WRN: variants seen among roughly 807,000 people sequenced by gnomAD.
WRN encodes WRN RecQ like helicase, also known as bifunctional 3'-5' exonuclease/ATP-dependent helicase WRN.
A neutral mutation model predicts 180.7 loss-of-function variants in WRN; 149 were observed. The ratio of observed to expected loss-of-function variants is 0.82; its 90% CI spans 0.72 to 0.94. WRN has a LOEUF of 0.94. Among genes scored for constraint, WRN ranks in the 40% least tolerant of loss-of-function variants. The pLI is 0.00. For synonymous variants in WRN, 548 were observed against 568.9 expected (o/e 0.96, Z 0.52); for missense variants, 1,661 against 1,700.1 (o/e 0.98, Z 0.40).
chr8:31,134,180 G>A (rs1317303240), intron 24 of WRN, among the ~76,000 whole-genome samples: 1 of 152,008 alleles, frequency 6.6e-6, no homozygotes, highest in African/African-American at 2.4e-5. Flanking sequence ...TTGGTATCCT[G>A]GGATATTGTT....
intron 24 of WRN, among the ~76,000 whole-genome samples, chr8:31,138,007 G>A (rs115326949): frequency 8.6e-4 from 131 of 152,140 alleles, no homozygotes; most frequent in African/African-American, 2.9e-3. Flanking sequence ...GGACGCTGAG[G>A]TGGGAGGATC....
At chr8:31,044,661 A>G (rs1383257129) in intron 1 of WRN, among the ~76,000 whole-genome samples, 2 of 151,766 alleles carry the variant, frequency 1.3e-5, no homozygotes, top group East Asian at 1.9e-4. Flanking sequence ...GGCCAATTTC[A>G]TTTTCTATTT....
At chr8:31,061,231 A>C (rs1475624221) in intron 3 of WRN, among the ~76,000 whole-genome samples, 1 of 151,634 alleles carries the variant, frequency 6.6e-6, no homozygotes, top group African/African-American at 2.4e-5. Context: ...AAGTTCACTT[A>C]TATTTTTTTC....
intron 30 of WRN, among the ~76,000 whole-genome samples, chr8:31,149,454 TG>T: frequency 6.5e-5 from 5 of 76,364 alleles, no homozygotes; most frequent in Non-Finnish European, 9.6e-5. Flanking sequence ...TTAATAGAGG[TG>T]TTTTTTTTTT....
intron 16 of WRN, among the ~76,000 whole-genome samples, chr8:31,092,900 C>G (rs1486002344): frequency 6.6e-6 from 1 of 152,058 alleles, no homozygotes; most frequent in African/African-American, 2.4e-5. Flanking sequence ...TTCTGAGATT[C>G]TTTCATGCTG....
At chr8:31,062,768 G>A (rs1037076291) in intron 3 of WRN, among the ~76,000 whole-genome samples, 1 of 151,968 alleles carries the variant, frequency 6.6e-6, no homozygotes, top group Non-Finnish European at 1.5e-5. Context: ...CTGAAGCCCC[G>A]TGTTTGTTCT....
chr8:31,156,089 A>G (rs1322596891), intron 32 of WRN, among the ~76,000 whole-genome samples: 1 of 152,202 alleles, frequency 6.6e-6, no homozygotes, highest in Non-Finnish European at 1.5e-5. Context: ...GTAAACAATA[A>G]CTTCTATGTA....
intron 13 of WRN, among the ~76,000 whole-genome samples, chr8:31,089,644 A>T (rs1813664178): frequency 6.6e-6 from 1 of 151,940 alleles, no homozygotes; most frequent in Admixed American, 6.6e-5. Flanking sequence ...TAAACTGGGC[A>T]CCCTGTGGCC....
At chr8:31,089,933 C>G (rs1813677606) in intron 13 of WRN, among the ~76,000 whole-genome samples, 1 of 151,902 alleles carries the variant, frequency 6.6e-6, no homozygotes. Context: ...TACACTTCCA[C>G]CTAAGTATTT....
chr8:31,076,869 A>T (rs1813113423), intron 8 of WRN, among the ~76,000 whole-genome samples: 1 of 152,230 alleles, frequency 6.6e-6, no homozygotes, highest in Non-Finnish European at 1.5e-5. Flanking sequence ...AATGTTATAC[A>T]GATTAATAGA....
intron 24 of WRN, 129 bp downstream of exon 24, chr8:31,132,635 A>G (rs1802230279): frequency 7.7e-7 from 1 of 1,293,122 alleles, no homozygotes; most frequent in East Asian, 2.4e-5. Flanking sequence ...ATAGAGTCTT[A>G]CTAAGTTCCA....
intron 16 of WRN, among the ~76,000 whole-genome samples, chr8:31,095,626 AT>A (rs1451812404): frequency 6.6e-6 from 1 of 152,178 alleles, no homozygotes; most frequent in Admixed American, 6.5e-5. Flanking sequence ...TTCCAGCTCC[AT>A]TTTTTAAAAA....
rs1181801875 is a variant in WRN, at chr8:31,174,826, TCC to T, written c.*1726_*1727del. 9.7e-6 allele frequency among the ~76,000 whole-genome samples: 1 copy of T among 103,006 alleles called. No homozygotes were observed. The highest frequency in any genetic ancestry group is 1.9e-5 in the Non-Finnish European group (1 of 51,288). 67.6% of individuals were successfully genotyped at this position (103,006 alleles called of 152,430 possible). ...CTTCCTTCCTTCCTTCCTTCCTCCC[TCC>T]CTCCCTCCCTCCCTCCCTCCCTCCT... is the stretch of plus-strand genomic sequence containing the variant. On this transcript the variant is annotated 3_prime_UTR_variant, in exon 35 of 35. Transcript: ENST00000298139.
intron 8 of WRN, 31 bp downstream of exon 8, chr8:31,076,318 A>C (rs754651243): frequency 1.3e-6 from 2 of 1,516,292 alleles, no homozygotes; most frequent in Non-Finnish European, 9.1e-7. Context: ...TTTTTAACTT[A>C]AATCAATTCT....
At chr8:31,172,973 T>C in intron 34 of WRN, 22 bp from the exon 35 acceptor site, 1 of 1,610,742 alleles carries the variant, frequency 6.2e-7, no homozygotes, top group Non-Finnish European at 8.5e-7. Context: ...ATTTGATTTC[T>C]TTTTCTTTCT....
intron 8 of WRN, among the ~76,000 whole-genome samples, chr8:31,078,319 T>A (rs773741658): frequency 2.6e-5 from 4 of 152,152 alleles, no homozygotes; most frequent in Non-Finnish European, 5.9e-5. Context: ...ACCTAATGTA[T>A]CTAGATGACA....
chr8:31,081,317 AC>A (rs775898296), intron 9 of WRN, 21 bp downstream of exon 9: 5 of 1,611,708 alleles, frequency 3.1e-6, no homozygotes, highest in Non-Finnish European at 4.2e-6. Flanking sequence ...AAGAGGAAGC[AC>A]ATTTTTAGTT....
chr8:31,114,169 G>T (rs1337150312), intron 19 of WRN, among the ~76,000 whole-genome samples: 1 of 152,104 alleles, frequency 6.6e-6, no homozygotes, highest in Non-Finnish European at 1.5e-5. Context: ...TCAGAGCATT[G>T]CCCGTTATTT....
intron 12 of WRN, among the ~76,000 whole-genome samples, chr8:31,088,126 G>C (rs1177308162): frequency 6.6e-6 from 1 of 152,134 alleles, no homozygotes; most frequent in Non-Finnish European, 1.5e-5. Context: ...ATAGCATTAT[G>C]ATGATAAAAA....
Sources: gnomAD v4.1 joint callset for allele counts (sites outside exome capture counted in the v4.1 genomes callset) on GRCh38, gnomAD v4.1.1 for gene constraint, MANE v1.5 for transcripts, NCBI Gene and HGNC (gene_info 2026-07-23, HGNC 2026-07-21) for gene names.